LMNTD1: variants seen among roughly 807,000 people sequenced by gnomAD.
LMNTD1 encodes the protein lamin tail domain containing 1.
A neutral mutation model predicts 50.9 loss-of-function variants in LMNTD1; 35 were observed. The observed-to-expected ratio is 0.69, with a 90% CI of 0.53 to 0.91. LMNTD1 has a LOEUF of 0.91. Among genes scored for constraint, LMNTD1 ranks in the 40% least tolerant of loss-of-function variants. LMNTD1 has a pLI of 0.00. For missense variants in LMNTD1, 470 were observed against 475.5 expected (o/e 0.99, Z 0.11); for synonymous variants, 153 against 161.9 (o/e 0.94, Z 0.42).
chr12:25,540,509 T>G (rs919922205), intron 4 of LMNTD1, among the ~76,000 whole-genome samples: 19 of 135,572 alleles, frequency 1.4e-4, no homozygotes, highest in East Asian at 1.2e-3. Context: ...GAAAAGGCCT[T>G]TGACAAAATT....
At chr12:25,482,244 T>G (rs12306912) in intron 9 of LMNTD1, among the ~76,000 whole-genome samples, 8 of 151,808 alleles carry the variant, frequency 5.3e-5, no homozygotes, top group African/African-American at 1.7e-4. Flanking sequence ...GAAGATAACA[T>G]GTTAAGAACA....
rs534387481 is a variant in LMNTD1, at chr12:25,606,545, T to C, written c.58+41949A>G. On this transcript the variant is annotated intron_variant, in intron 1 of 7. Transcript: ENST00000445693. ...TATTGAGAGTTTTTAGCATGAAGGGTTGTTGAATTTTGTCACAGGCCTTTT... is the reference window on the plus strand; with the variant it reads ...TATTGAGAGTTTTTAGCATGAAGGGCTGTTGAATTTTGTCACAGGCCTTTT... Among the ~76,000 whole-genome samples, 10 of 152,248 alleles carry C rather than the reference T, an allele frequency of 6.6e-5. No individual in the cohort carries two copies. The East Asian group carries it at 7.7e-4, about 12-fold the overall frequency.
intron 4 of LMNTD1, among the ~76,000 whole-genome samples, chr12:25,543,617 C>T (rs1943240855): frequency 6.6e-6 from 1 of 151,254 alleles, no homozygotes; most frequent in African/African-American, 2.4e-5. Context: ...TTCTTTTCTT[C>T]TACTAATTTT....
chr12:25,634,243 A>T (rs35014049), intron 1 of LMNTD1, among the ~76,000 whole-genome samples: 12,671 of 152,248 alleles, frequency 0.083, 554 homozygotes, highest in Middle Eastern at 0.18. Context: ...GCAGAATTCT[A>T]CCAGACAGAC....
At chr12:25,498,005 T>TC (rs376851253) in intron 9 of LMNTD1, among the ~76,000 whole-genome samples, 2 of 152,040 alleles carry the variant, frequency 1.3e-5, no homozygotes, top group African/African-American at 2.4e-5. Flanking sequence ...CCCCTCAAAC[T>TC]CCAAGAAAGT....
intron 1 of LMNTD1, among the ~76,000 whole-genome samples, chr12:25,563,175 C>T (rs1004265787): frequency 1.7e-4 from 26 of 152,348 alleles, no homozygotes; most frequent in African/African-American, 6.3e-4. Context: ...CAGCTTTGTT[C>T]CATTGCTGGC....
intron 1 of LMNTD1, among the ~76,000 whole-genome samples, chr12:25,562,836 T>G (rs1212125915): frequency 6.6e-6 from 1 of 152,234 alleles, no homozygotes; most frequent in Non-Finnish European, 1.5e-5. Flanking sequence ...TGCTCATTTC[T>G]TTTTACTCTT....
At position 25,535,917 on chromosome 12, in the gene LMNTD1, G is replaced by T. The variant is rs570390321; in HGVS notation, c.492-8962C>A. Reference sequence around the variant, plus strand: ...CCATGCTAACACCAGTAAAAAGAAAGCTCCTGTGGCTATATTAATATCAGA... The same window carrying T: ...CCATGCTAACACCAGTAAAAAGAAATCTCCTGTGGCTATATTAATATCAGA... On this transcript the variant is annotated intron_variant, in intron 4 of 9. Transcript: ENST00000458174. Among the ~76,000 whole-genome samples, 5 of 152,192 alleles carry T rather than the reference G, an allele frequency of 3.3e-5. No individual in the cohort carries two copies. The South Asian group carries it at 8.3e-4, about 25-fold the overall frequency.
At chr12:25,635,662 G>A (rs1367093840) in intron 1 of LMNTD1, among the ~76,000 whole-genome samples, 1 of 152,096 alleles carries the variant, frequency 6.6e-6, no homozygotes, top group Non-Finnish European at 1.5e-5. Flanking sequence ...AACCAAAAAA[G>A]AGCCCACGTA....
chr12:25,551,613 T>A (rs950157705), intron 2 of LMNTD1, among the ~76,000 whole-genome samples: 1 of 152,172 alleles, frequency 6.6e-6, no homozygotes, highest in African/African-American at 2.4e-5. Flanking sequence ...CTGTCTCTAA[T>A]ACTCCTGGCC....
At chr12:25,571,339 TTTTATTTATTTA>T (rs55781545) in intron 1 of LMNTD1, among the ~76,000 whole-genome samples, 78,821 of 148,688 alleles carry the variant, frequency 0.53, 24,517 homozygotes, top group Non-Finnish European at 0.7. Context: ...AAAAAAGTAT[TTTTATTTATTTA>T]TTTATTTATT....
At chr12:25,579,199 A>C (rs1592060839) in intron 1 of LMNTD1, among the ~76,000 whole-genome samples, 1 of 152,182 alleles carries the variant, frequency 6.6e-6, no homozygotes, top group African/African-American at 2.4e-5. Context: ...GCTTCTGTGG[A>C]TTCACCCAAC....
At chr12:25,527,681 T>TATATATATATATATATAC (rs1463259109) in intron 4 of LMNTD1, among the ~76,000 whole-genome samples, 7 of 32,344 alleles carry the variant, frequency 2.2e-4, no homozygotes, top group Non-Finnish European at 4.1e-4. Flanking sequence ...TATATATATA[T>TATATATATATATATATAC]ACACACACAC....
At chr12:25,556,209 G>A (rs773663506), upstream of LMNTD1, among the ~76,000 whole-genome samples, 44 of 152,142 alleles carry the variant, frequency 2.9e-4, 1 homozygote, top group Admixed American at 6.5e-5. Flanking sequence ...CCGACCTCAA[G>A]TGATTTGCCT....
At position 25,549,516 on chromosome 12, in the gene LMNTD1, T is replaced by TA. The variant is rs1324740513; in HGVS notation, c.119dup (p.Leu40PhefsTer34). On this transcript the variant is annotated frameshift_variant, in exon 3 of 10. Transcript: ENST00000458174. LOFTEE classifies it high-confidence loss of function. ...CCAACATCTTTGGGGAAAAATGTAC[T>TA]AAAGAATATACTCCAAGTTTGTCTT... The TA allele has an allele frequency of 2.5e-6, 4 of 1,610,574 alleles. No homozygotes were observed.
chr12:25,536,928 TC>T (rs1359678657), intron 4 of LMNTD1, among the ~76,000 whole-genome samples: 95 of 149,150 alleles, frequency 6.4e-4, no homozygotes, highest in African/African-American at 2.4e-3. Flanking sequence ...GCACAAGGGG[TC>T]AGGGAGTTCC....
At chr12:25,565,180 G>A (rs1380406202) in intron 1 of LMNTD1, among the ~76,000 whole-genome samples, 2 of 151,450 alleles carry the variant, frequency 1.3e-5, no homozygotes, top group African/African-American at 4.8e-5. Flanking sequence ...TAGTCCATTT[G>A]CATTCAATAT....
chr12:25,536,749 C>G (rs1174950740), intron 4 of LMNTD1, among the ~76,000 whole-genome samples: 1 of 152,250 alleles, frequency 6.6e-6, no homozygotes, highest in Admixed American at 6.5e-5. Flanking sequence ...AGGAACAGCT[C>G]CAGTCTACAG....
intron 4 of LMNTD1, among the ~76,000 whole-genome samples, chr12:25,536,116 C>A (rs1049844268): frequency 7.9e-5 from 12 of 152,064 alleles, no homozygotes; most frequent in African/African-American, 2.7e-4. Context: ...AGGGAGAAAT[C>A]AACAAATCCA....
Sources: gnomAD v4.1 joint callset for allele counts (sites outside exome capture counted in the v4.1 genomes callset) on GRCh38, gnomAD v4.1.1 for gene constraint, MANE v1.5 for transcripts, NCBI Gene and HGNC (gene_info 2026-07-23, HGNC 2026-07-21) for gene names.